ZC3HAV1: variants seen among roughly 807,000 people sequenced by gnomAD.
ZC3HAV1 encodes the protein zinc finger CCCH-type containing, antiviral 1, also known as zinc finger CCCH-type antiviral protein 1.
A neutral mutation model predicts 86.6 loss-of-function variants in ZC3HAV1; 41 were observed. The observed-to-expected ratio is 0.47, with a 90% confidence interval of 0.37 to 0.61. ZC3HAV1 has a LOEUF of 0.61. Ranked by LOEUF, ZC3HAV1 falls within the 20% of genes least tolerant of loss-of-function variation. The pLI is 0.00. For synonymous variants in ZC3HAV1, 421 were observed against 432.1 expected, an observed-to-expected ratio of 0.97 and a Z score of 0.32; for missense variants, 964 against 1,141.1, an observed-to-expected ratio of 0.84 and a Z score of 2.24.
At chr7:139,063,685 C>T (rs935779314) in intron 8 of ZC3HAV1, among the ~76,000 whole-genome samples, 1 of 148,862 alleles carries the variant, frequency 6.7e-6, no homozygotes, top group Non-Finnish European at 1.5e-5. Context: ...GATGGCATCA[C>T]CGCACTCTAG....
intron 12 of ZC3HAV1, among the ~76,000 whole-genome samples, chr7:139,050,163 T>C (rs1166477651): frequency 6.6e-6 from 1 of 152,234 alleles, no homozygotes; most frequent in Non-Finnish European, 1.5e-5. Context: ...TCCCACTCTG[T>C]GGGTTTGTCT....
chr7:139,059,362 A>G (rs10227098), intron 9 of ZC3HAV1, among the ~76,000 whole-genome samples: 6,678 of 152,286 alleles, frequency 0.044, 273 homozygotes, highest in East Asian at 0.19. Context: ...CATGCCTGTC[A>G]TCCCAGCACT....
At chr7:139,085,640 T>A (rs1450511291) in intron 2 of ZC3HAV1, among the ~76,000 whole-genome samples, 2 of 152,180 alleles carry the variant, frequency 1.3e-5, no homozygotes, top group African/African-American at 4.8e-5. Flanking sequence ...ACAAAGCTGT[T>A]TCTCTGCACT....
chr7:139,097,429 T>TATATATATA (rs1491244234), intron 1 of ZC3HAV1, among the ~76,000 whole-genome samples: 48 of 56,824 alleles, frequency 8.4e-4, no homozygotes, highest in African/African-American at 4.7e-3. Flanking sequence ...TATATATATA[T>TATATATATA]TTTTTTTTTT....
intron 10 of ZC3HAV1, among the ~76,000 whole-genome samples, 163 bp from the exon 11 acceptor site, chr7:139,054,258 C>T (rs34171013): frequency 1.8e-4 from 27 of 152,272 alleles, no homozygotes; most frequent in Middle Eastern, 3.4e-3. Flanking sequence ...AACTCATTCC[C>T]GTAATTAATC....
rs376879495 is a variant in ZC3HAV1, at chr7:139,080,144, G to A, written c.797C>T (p.Ala266Val). Reference sequence around the variant, plus strand: ...AGGTGTGCAGGACCTCTCAGCAGACGCTGAAGCAGACGCAAGAAATTCTTG... The same window carrying A: ...AGGTGTGCAGGACCTCTCAGCAGACACTGAAGCAGACGCAAGAAATTCTTG... ...GSQEFLASAS[A>V]SAERSCTPSP... is the part of the protein sequence containing the mutation. Residue 266 changes from alanine to valine, a missense_variant, in exon 4 of 13, where the codon GCG (alanine) becomes GTG (valine). Coordinates refer to ENST00000242351, the MANE Select transcript of ZC3HAV1 (RefSeq NM_020119.4). The A allele has an allele frequency of 2.1e-4, 346 of 1,614,040 alleles. No homozygotes were observed. Among genetic ancestry groups the A allele is most frequent in the Non-Finnish European group, 2.8e-4 (328 of 1,180,040 alleles).
chr7:139,096,882 C>G (rs2130729342), intron 1 of ZC3HAV1, among the ~76,000 whole-genome samples: 1 of 152,218 alleles, frequency 6.6e-6, no homozygotes, highest in South Asian at 2.1e-4. Context: ...TCTGTAATCC[C>G]AGCAGCTTGG....
intron 9 of ZC3HAV1, 85 bp downstream of exon 9, chr7:139,060,951 G>A (rs764667643): frequency 1.2e-6 from 2 of 1,604,436 alleles, no homozygotes; most frequent in East Asian, 2.2e-5. Context: ...AGGAAAACAG[G>A]CTCCAGATTC....
At chr7:139,053,702 G>A in intron 11 of ZC3HAV1, 121 bp from the exon 12 acceptor site, 1 of 1,325,798 alleles carries the variant, frequency 7.5e-7, no homozygotes, top group Non-Finnish European at 1.0e-6. Context: ...TCACAACGGA[G>A]CTACTAACTT....
intron 5 of ZC3HAV1, among the ~76,000 whole-genome samples, chr7:139,077,560 A>G (rs1485090239): frequency 6.6e-6 from 1 of 152,144 alleles, no homozygotes; most frequent in Non-Finnish European, 1.5e-5. Context: ...GGATGTTTTC[A>G]TGCCCTACCT....
intron 1 of ZC3HAV1, among the ~76,000 whole-genome samples, chr7:139,095,189 A>T (rs1436526595): frequency 1.3e-5 from 2 of 152,198 alleles, no homozygotes; most frequent in East Asian, 3.8e-4. Context: ...ACATTGAGCT[A>T]AAGAATAAAA....
At chr7:139,084,109 G>C in intron 2 of ZC3HAV1, 77 bp from the exon 3 acceptor site, 1 of 1,552,968 alleles carries the variant, frequency 6.4e-7, no homozygotes, top group East Asian at 2.3e-5. Flanking sequence ...GCAAGCTCAC[G>C]TGTGCAAAAA....
intron 9 of ZC3HAV1, chr7:139,060,592 G>A (rs1816413780): frequency 2.9e-6 from 3 of 1,017,248 alleles, no homozygotes; most frequent in African/African-American, 3.5e-5. Flanking sequence ...TGTAATCCCA[G>A]CACTTTGGGA....
At chr7:139,054,161 T>C (rs954569514) in intron 10 of ZC3HAV1, 66 bp from the exon 11 acceptor site, 7 of 1,447,480 alleles carry the variant, frequency 4.8e-6, no homozygotes, top group Non-Finnish European at 5.5e-6. Context: ...CATCCACATA[T>C]GTGCCCCCTT....
At chr7:139,098,050 T>G (rs1013859475) in intron 1 of ZC3HAV1, among the ~76,000 whole-genome samples, 1 of 151,964 alleles carries the variant, frequency 6.6e-6, no homozygotes, top group Non-Finnish European at 1.5e-5. Flanking sequence ...GTTCAAGAGA[T>G]TCTCCTGCCT....
At chr7:139,095,205 T>C (rs1050079306) in intron 1 of ZC3HAV1, among the ~76,000 whole-genome samples, 3 of 152,068 alleles carry the variant, frequency 2.0e-5, no homozygotes, top group Non-Finnish European at 2.9e-5. Flanking sequence ...TAAAATGTCA[T>C]CAGTCAAAAC....
intron 4 of ZC3HAV1, chr7:139,079,189 G>C (rs760128325): frequency 7.6e-5 from 117 of 1,536,262 alleles, no homozygotes; most frequent in Admixed American, 2.2e-4. Context: ...GGGCCCCCCA[G>C]ACTGCAGCTC....
At chr7:139,090,920 T>C (rs1335828963) in intron 1 of ZC3HAV1, among the ~76,000 whole-genome samples, 1 of 152,192 alleles carries the variant, frequency 6.6e-6, no homozygotes, top group African/African-American at 2.4e-5. Context: ...GCCATCCGTG[T>C]ACCTTGCCTC....
chr7:139,052,773 A>C (rs77396612), intron 12 of ZC3HAV1, among the ~76,000 whole-genome samples: 2 of 101,512 alleles, frequency 2.0e-5, no homozygotes, highest in South Asian at 6.5e-4. Flanking sequence ...AATACAACAA[A>C]AAAAAATTAG....
Sources: gnomAD v4.1 joint callset for allele counts (sites outside exome capture counted in the v4.1 genomes callset) on GRCh38, gnomAD v4.1.1 for gene constraint, MANE v1.5 for transcripts, NCBI Gene and HGNC (gene_info 2026-07-23, HGNC 2026-07-21) for gene names.